Variants in ANXA10 observed in about 807,000 individuals in gnomAD.
ANXA10 encodes the protein annexin A10.
Under a neutral mutation model 53.5 loss-of-function variants are expected in ANXA10, and 49 were observed. The ratio of observed to expected loss-of-function variants is 0.92; its 90% CI spans 0.73 to 1.16. ANXA10 has a LOEUF of 1.16. ANXA10 is among the 50% of genes most tolerant of loss of function. The pLI, the probability that ANXA10 is intolerant of heterozygous loss-of-function variation, is 0.00. For missense variants in ANXA10, 393 were observed against 394.4 expected, an observed-to-expected ratio of 1.00 and a Z score of 0.03; for synonymous variants, 131 against 128.9, an observed-to-expected ratio of 1.02 and a Z score of -0.11.
At chr4:168,156,727 T>A (rs1731690889) in intron 3 of ANXA10, among the ~76,000 whole-genome samples, 1 of 151,720 alleles carries the variant, frequency 6.6e-6, no homozygotes, top group African/African-American at 2.4e-5. Context: ...ATGGTCTCGA[T>A]CTCCTGACCT....
intron 5 of ANXA10, among the ~76,000 whole-genome samples, chr4:168,164,830 G>A (rs779002462): frequency 6.6e-6 from 1 of 152,028 alleles, no homozygotes; most frequent in Non-Finnish European, 1.5e-5. Context: ...AAAATGTTGC[G>A]GACAGTCATC....
At chr4:168,183,587 A>C (rs1302158674) in intron 10 of ANXA10, among the ~76,000 whole-genome samples, 1 of 152,222 alleles carries the variant, frequency 6.6e-6, no homozygotes, top group Non-Finnish European at 1.5e-5. Context: ...TATGTGTTAT[A>C]AGGCAATAGG....
chr4:168,157,184 T>C (rs906218507), intron 3 of ANXA10, among the ~76,000 whole-genome samples: 1 of 152,212 alleles, frequency 6.6e-6, no homozygotes, highest in African/African-American at 2.4e-5. Flanking sequence ...ATTCACAATA[T>C]TGAGTACAAT....
chr4:168,117,039 T>C (rs1289106421), intron 1 of ANXA10, among the ~76,000 whole-genome samples: 1 of 151,624 alleles, frequency 6.6e-6, no homozygotes, highest in Non-Finnish European at 1.5e-5. Context: ...GCTTTATTAA[T>C]CTGTATCTCA....
At chr4:168,138,585 T>C (rs1295852747) in intron 2 of ANXA10, among the ~76,000 whole-genome samples, 1 of 152,220 alleles carries the variant, frequency 6.6e-6, no homozygotes, top group Admixed American at 6.5e-5. Context: ...GGCCCTTTTT[T>C]GGCTCCATAT....
Position 168,184,670 on chromosome 4 carries a change from C to A in ANXA10, c.895C>A (p.His299Asn), listed in dbSNP as rs779878202. The change falls in exon 11 of 12, where the codon CAT becomes AAT. Residue 299 changes from histidine to asparagine, a missense_variant. By Grantham distance (68) the His-to-Asn change is moderately conservative (BLOSUM62 1). Coordinates refer to ENST00000359299, the MANE Select transcript of ANXA10 (RefSeq NM_007193.5). ...AGAGCGATATGGAAAATCCCTATTT[C>A]ATGATATCAGAGTAAGTTTCCGACA... The part of the protein sequence containing the change: ...YKERYGKSLF[H>N]DIRNFASGHY... 11 of 1,613,914 alleles carry A rather than the reference C, an allele frequency of 6.8e-6. No individual in the cohort carries two copies.
At chr4:168,151,295 C>T (rs1032344044) in intron 3 of ANXA10, among the ~76,000 whole-genome samples, 2 of 152,128 alleles carry the variant, frequency 1.3e-5, no homozygotes, top group Admixed American at 1.3e-4. Context: ...AACTATTCCC[C>T]TGAGCATATT....
rs77779480 is a variant in ANXA10 at position 168,184,226 on chromosome 4, T to C, written c.784-333T>C. Among the ~76,000 whole-genome samples, 1,040 of 152,168 alleles carry C rather than the reference T, an allele frequency of 6.8e-3. 8 individuals are homozygous for C. Among genetic ancestry groups the C allele is most frequent in the African/African-American group, 0.024 (985 of 41,516 alleles). ...ATAATGCAGTGTGAGTGGGACGGTGTGAAGGTTAACAAGGCTAGAAAGGGG... is the reference window on the plus strand; with the variant it reads ...ATAATGCAGTGTGAGTGGGACGGTGCGAAGGTTAACAAGGCTAGAAAGGGG... On this transcript the variant is annotated intron_variant, in intron 10 of 11. Coordinates refer to ENST00000359299, the MANE Select transcript of ANXA10 (RefSeq NM_007193.5).
intron 10 of ANXA10, among the ~76,000 whole-genome samples, chr4:168,183,169 C>T (rs1020995693): frequency 6.6e-6 from 1 of 152,058 alleles, no homozygotes; most frequent in Non-Finnish European, 1.5e-5. Context: ...GTAAATTTAA[C>T]AGATATACTT....
At chr4:168,147,980 C>G (rs1011097610) in intron 3 of ANXA10, among the ~76,000 whole-genome samples, 1 of 152,166 alleles carries the variant, frequency 6.6e-6, no homozygotes, top group African/African-American at 2.4e-5. Flanking sequence ...AGTGGCTGTG[C>G]ACACCTCAAT....
At chr4:168,156,198 A>ATAATATATATT (rs1491176698) in intron 3 of ANXA10, among the ~76,000 whole-genome samples, 1 of 12,040 alleles carries the variant, frequency 8.3e-5, no homozygotes, top group Non-Finnish European at 1.7e-4. Context: ...TATTATATAT[A>ATAATATATATT]ATATATATTA....
At chr4:168,174,038 T>TCTCC (rs1227380043) in intron 6 of ANXA10, among the ~76,000 whole-genome samples, 1 of 151,944 alleles carries the variant, frequency 6.6e-6, no homozygotes, top group Non-Finnish European at 1.5e-5. Flanking sequence ...CCAACTTGGG[T>TCTCC]CTCCCTCTTT....
At chr4:168,162,787 T>C (rs1731808687) in intron 4 of ANXA10, 146 bp downstream of exon 4, 3 of 714,604 alleles carry the variant, frequency 4.2e-6, no homozygotes, top group African/African-American at 1.8e-5. Context: ...AATGGAAATG[T>C]TGTGGTCAAG....
intron 6 of ANXA10, among the ~76,000 whole-genome samples, chr4:168,174,810 GAA>G (rs148468852): frequency 0.033 from 5,060 of 152,260 alleles, 254 homozygotes; most frequent in African/African-American, 0.11. Flanking sequence ...TGAGACTATA[GAA>G]AGAGTTTGAG....
At chr4:168,137,496 C>T (rs1386009661) in intron 2 of ANXA10, among the ~76,000 whole-genome samples, 2 of 152,152 alleles carry the variant, frequency 1.3e-5, no homozygotes, top group South Asian at 2.1e-4. Context: ...GTGTACCCTT[C>T]GTTTAGCTCC....
intron 1 of ANXA10, among the ~76,000 whole-genome samples, chr4:168,097,410 C>T (rs961994620): frequency 3.3e-5 from 5 of 151,998 alleles, no homozygotes; most frequent in Non-Finnish European, 1.5e-5. Flanking sequence ...TCTTCTCCTT[C>T]CTCCTTATAG....
chr4:168,093,432 A>C (rs2149462589), intron 1 of ANXA10, among the ~76,000 whole-genome samples: 1 of 152,338 alleles, frequency 6.6e-6, no homozygotes, highest in Non-Finnish European at 1.5e-5. Flanking sequence ...TATGCTTTAT[A>C]TGAAAAGGTC....
chr4:168,120,070 G>C (rs946610299), intron 1 of ANXA10, among the ~76,000 whole-genome samples: 1 of 151,790 alleles, frequency 6.6e-6, no homozygotes, highest in African/African-American at 2.4e-5. Context: ...ATACAGTTTT[G>C]CAATACTTGG....
At chr4:168,132,037 A>G (rs1731164031) in intron 2 of ANXA10, among the ~76,000 whole-genome samples, 1 of 152,104 alleles carries the variant, frequency 6.6e-6, no homozygotes, top group Non-Finnish European at 1.5e-5. Context: ...AATGTACGTT[A>G]GTACCACCAC....
Sources: gnomAD v4.1 joint callset for allele counts (sites outside exome capture counted in the v4.1 genomes callset) on GRCh38, gnomAD v4.1.1 for gene constraint, MANE v1.5 for transcripts, NCBI Gene and HGNC (gene_info 2026-07-23, HGNC 2026-07-21) for gene names.